Variants in ANKRD17 observed in about 807,000 individuals in gnomAD.
ANKRD17 encodes the protein ankyrin repeat domain-containing protein 17.
Under a neutral mutation model 229.7 loss-of-function variants are expected in ANKRD17, and 19 were observed. The observed-to-expected ratio is 0.08, with a 90% CI of 0.06 to 0.12. The LOEUF (loss-of-function observed/expected upper bound fraction) is 0.12, where lower values mean the gene tolerates loss of function less well. ANKRD17 is among the 10% of genes least tolerant of loss of function. The pLI is 1.00. For missense variants in ANKRD17, 2,176 were observed against 3,176.8 expected, an observed-to-expected ratio of 0.68 and a Z score of 7.57; for synonymous variants, 1,112 against 1,146.1, an observed-to-expected ratio of 0.97 and a Z score of 0.60.
At chr4:73,113,040 G>A (rs2148659035) in intron 24 of ANKRD17, 3 of 1,065,366 alleles carry the variant, frequency 2.8e-6, no homozygotes, top group South Asian at 4.3e-5. Context: ...TGCCCGCCTC[G>A]GCCTCCCAAA....
Position 73,148,819 on chromosome 4 carries a change from C to T in ANKRD17, c.1561G>A (p.Gly521Ser). ...GHEEMVALLL[G>S]QGANINAQTE... ...TCTTGATAGATACGGTTACCTTGAC[C>T]AAGAAGTAATGCCACCATTTCTTCA... Residue 521 changes from glycine to serine, a missense_variant, in exon 8 of 34, where the codon GGT (glycine) becomes AGT (serine). Transcript: ENST00000358602. The T allele has an allele frequency of 6.2e-7, 1 of 1,613,522 alleles. No homozygotes were observed. Among genetic ancestry groups the T allele is most frequent in the Non-Finnish European group, 8.5e-7 (1 of 1,179,556 alleles).
intron 13 of ANKRD17, 108 bp downstream of exon 13, chr4:73,142,134 A>T: frequency 8.8e-7 from 1 of 1,142,282 alleles, no homozygotes; most frequent in Non-Finnish European, 1.2e-6. Context: ...TTACAAACAG[A>T]ACTACATATT....
intron 1 of ANKRD17, among the ~76,000 whole-genome samples, chr4:73,184,950 ATAAT>A (rs754495544): frequency 1.2e-4 from 18 of 152,202 alleles, no homozygotes; most frequent in Non-Finnish European, 2.4e-4. Context: ...TAAAATAAAG[ATAAT>A]TAGAGACCAT....
At position 73,139,918 on chromosome 4, in the gene ANKRD17, G is replaced by C. The variant is rs1252285890; in HGVS notation, c.2698C>G (p.Gln900Glu). The C allele has an allele frequency of 6.2e-7, 1 of 1,614,192 alleles. No individual in the cohort carries two copies. The highest frequency in any genetic ancestry group is 8.5e-7 in the Non-Finnish European group (1 of 1,180,036). Residue 900 changes from glutamine to glutamate, a missense_variant, in exon 15 of 34, where the codon CAA becomes GAA. Physicochemically the swap from Gln to Glu is conservative, Grantham distance 29 (BLOSUM62 2). This residue lies in a region of ANKRD17 where 230 missense variants were observed against 252.3 expected (regional missense o/e 0.91). Coordinates refer to ENST00000358602, the MANE Select transcript of ANKRD17 (RefSeq NM_032217.5). ...EVKAQRIQLQ[Q>E]QQQQSCQHLG... ...TGTTGGCAAGACTGTTGCTGCTGTT[G>C]CTGAAGTTGAATTCTTTGAGCTTTA...
chr4:73,093,052 A>G (rs1722935221), intron 28 of ANKRD17, among the ~76,000 whole-genome samples: 1 of 152,172 alleles, frequency 6.6e-6, no homozygotes. Flanking sequence ...CCAGGGGAAA[A>G]CCAGTCAGAA....
At chr4:73,083,542 T>G (rs1721781637) in intron 30 of ANKRD17, among the ~76,000 whole-genome samples, 1 of 152,212 alleles carries the variant, frequency 6.6e-6, no homozygotes, top group Admixed American at 6.5e-5. Context: ...TGAAATTTTT[T>G]GTAACAAAAT....
At chr4:73,104,055 A>G (rs1163319545) in intron 24 of ANKRD17, 1 of 152,204 alleles carries the variant, frequency 6.6e-6, no homozygotes, top group Non-Finnish European at 1.5e-5. Flanking sequence ...ACAGTGAAGG[A>G]AAACCTGTAG....
intron 21 of ANKRD17, 30 bp from the exon 22 acceptor site, chr4:73,118,880 CTTTTTTTTTTTTT>C (rs751549226): frequency 6.2e-6 from 5 of 804,474 alleles, no homozygotes; most frequent in Admixed American, 4.1e-5. Context: ...ATAGCATTGT[CTTTTTTTTTTTTT>C]TTTTTTTTTT....
chr4:73,136,978 GA>G (rs1356025022), intron 15 of ANKRD17, among the ~76,000 whole-genome samples: 99 of 102,452 alleles, frequency 9.7e-4, no homozygotes, highest in Middle Eastern at 5.0e-3. Flanking sequence ...CAAAATTACA[GA>G]GTTTTTTTTT....
At chr4:73,251,260 T>G (rs1034495741) in intron 1 of ANKRD17, among the ~76,000 whole-genome samples, 2 of 152,214 alleles carry the variant, frequency 1.3e-5, no homozygotes, top group African/African-American at 4.8e-5. Flanking sequence ...AACATTTCCC[T>G]TTTCAATAAC....
intron 2 of ANKRD17, among the ~76,000 whole-genome samples, chr4:73,164,268 G>C (rs988537863): frequency 6.6e-6 from 1 of 152,132 alleles, no homozygotes; most frequent in African/African-American, 2.4e-5. Flanking sequence ...ATCTGGCTCA[G>C]TAAAAACTAA....
rs375866026 is a variant in ANKRD17, at chr4:73,225,861, CAAAAAAAA to C, written c.393+32407_393+32414del. Reference sequence around the variant, plus strand: ...TGGGCAACAGGGCAAGACTCTGTCTCAAAAAAAAAAAAAAAAAAAAAAAAGAAAGAAAA... The same window carrying C: ...TGGGCAACAGGGCAAGACTCTGTCTCAAAAAAAAAAAAAAAAGAAAGAAAA... On this transcript the variant is annotated intron_variant, in intron 1 of 33. Coordinates refer to ENST00000358602, the MANE Select transcript of ANKRD17 (RefSeq NM_032217.5). Among the ~76,000 whole-genome samples the C allele has an allele frequency of 2.2e-3, 147 of 66,712 alleles. 1 individual carries two copies. The highest frequency in any genetic ancestry group is 6.2e-3 in the Admixed American group (23 of 3,722). The allele number at this position is 66,712 out of a possible 152,430, so 43.8% of individuals were successfully genotyped here.
chr4:73,073,388 T>C lies in ANKRD17; in HGVS notation c.*2843A>G, dbSNP rs1271435628. The C allele has an allele frequency of 3.3e-5, 5 of 152,086 alleles. No homozygotes were observed. The highest frequency in any genetic ancestry group is 5.9e-5 in the Non-Finnish European group (4 of 67,938). 9.4% of individuals were successfully genotyped at this position (152,086 alleles called of 1,614,324 possible). A position where few individuals can be genotyped will look rare whatever the true frequency, so the allele number is the denominator to read the frequency against. Reference sequence around the variant, plus strand: ...GTTGTGAAAAACATCAACATGAAAATAGATTTAATAAACTAGAGGATCTGA... The same window carrying C: ...GTTGTGAAAAACATCAACATGAAAACAGATTTAATAAACTAGAGGATCTGA... On this transcript the variant is annotated 3_prime_UTR_variant, in exon 34 of 34. Transcript: ENST00000358602.
At chr4:73,124,711 G>A (rs1185013368) in intron 18 of ANKRD17, among the ~76,000 whole-genome samples, 1 of 152,146 alleles carries the variant, frequency 6.6e-6, no homozygotes, top group Non-Finnish European at 1.5e-5. Context: ...AGATGAGCAG[G>A]ATTCTAAACA....
chr4:73,258,759 C>T lies in ANKRD17; in HGVS notation c.-91G>A. 1.5e-6 allele frequency: 2 copies of T among 1,354,062 alleles called. No homozygotes were observed. Among genetic ancestry groups the T allele is most frequent in the African/African-American group, 1.6e-5 (1 of 63,696 alleles). 83.9% of individuals were successfully genotyped at this position (1,354,062 alleles called of 1,614,324 possible). A position where few individuals can be genotyped will look rare whatever the true frequency, so the allele number is the denominator to read the frequency against. ...GCCGCACTGGGGCCGACACAGCAATCGGTGCCGCCTCCGCCGCCACCGCCT... is the reference window on the plus strand; with the variant it reads ...GCCGCACTGGGGCCGACACAGCAATTGGTGCCGCCTCCGCCGCCACCGCCT... On this transcript the variant is annotated 5_prime_UTR_variant, in exon 1 of 34. Coordinates refer to ENST00000358602, the MANE Select transcript of ANKRD17 (RefSeq NM_032217.5).
chr4:73,230,711 C>T (rs1235604718), intron 1 of ANKRD17, among the ~76,000 whole-genome samples: 1 of 152,130 alleles, frequency 6.6e-6, no homozygotes, highest in African/African-American at 2.4e-5. Flanking sequence ...GTCCTATGTA[C>T]AGAATGAAAT....
chr4:73,139,214 T>C (rs1437550706), intron 15 of ANKRD17, among the ~76,000 whole-genome samples: 2 of 151,930 alleles, frequency 1.3e-5, no homozygotes, highest in African/African-American at 4.8e-5. Flanking sequence ...CAAAATTCAA[T>C]CTCAGTATTC....
Position 73,198,840 on chromosome 4 carries a change from A to G in ANKRD17, c.394-21307T>C, listed in dbSNP as rs541144138. ...CATTCTCCCATGAATTGTATGATAA[A>G]TTAGATGAGCCCAAACAAAATAAAC... is the stretch of plus-strand genomic sequence containing the variant. On this transcript the variant is annotated intron_variant, in intron 1 of 33. Coordinates refer to ENST00000358602, the MANE Select transcript of ANKRD17 (RefSeq NM_032217.5). 5.3e-5 allele frequency among the ~76,000 whole-genome samples: 8 copies of G among 152,284 alleles called. No individual in the cohort carries two copies. The South Asian group carries it at 1.0e-3, about 20-fold the overall frequency.
intron 1 of ANKRD17, among the ~76,000 whole-genome samples, chr4:73,255,301 T>C (rs1255120628): frequency 5.3e-5 from 8 of 152,228 alleles, no homozygotes; most frequent in Non-Finnish European, 7.3e-5. Context: ...ACAGAGATTA[T>C]TCAGATAGCA....
Sources: gnomAD v4.1 joint callset for allele counts (sites outside exome capture counted in the v4.1 genomes callset) on GRCh38, gnomAD v4.1.1 for gene constraint, gnomAD v4.1.1 regional missense constraint, MANE v1.5 for transcripts, NCBI Gene and HGNC (gene_info 2026-07-23, HGNC 2026-07-21) for gene names.